The following AUTS2 variants were observed in gnomAD, a reference collection of about 807,000 sequenced individuals.
AUTS2 encodes the protein activator of transcription and developmental regulator AUTS2, also known as autism susceptibility gene 2 protein.
A neutral mutation model predicts 112.4 loss-of-function variants in AUTS2; 17 were observed. That is an observed-to-expected ratio of 0.15 (90% CI 0.10 to 0.23). The LOEUF (loss-of-function observed/expected upper bound fraction) is 0.23. Ranked by LOEUF, AUTS2 falls within the 10% of genes least tolerant of loss-of-function variation. The pLI, the probability that AUTS2 is intolerant of heterozygous loss-of-function variation, is 1.00. For missense variants in AUTS2, 1,510 were observed against 1,701.6 expected, an observed-to-expected ratio of 0.89 and a Z score of 1.98; for synonymous variants, 751 against 702.7, an observed-to-expected ratio of 1.07 and a Z score of -1.09.
intron 1 of AUTS2, among the ~76,000 whole-genome samples, chr7:69,867,613 C>G (rs1793293157): frequency 6.6e-6 from 1 of 152,142 alleles, no homozygotes; most frequent in South Asian, 2.1e-4. Context: ...AAATTCTCTT[C>G]CAATTCTTCC....
At chr7:70,123,553 A>T (rs930549829) in intron 3 of AUTS2, among the ~76,000 whole-genome samples, 6 of 152,110 alleles carry the variant, frequency 3.9e-5, no homozygotes, top group African/African-American at 1.4e-4. Flanking sequence ...CTCTGTGTTC[A>T]TAAGTTCTTA....
chr7:70,731,927 C>G (rs923842477), intron 6 of AUTS2, among the ~76,000 whole-genome samples: 3 of 152,104 alleles, frequency 2.0e-5, no homozygotes, highest in Non-Finnish European at 2.9e-5. Context: ...TAATGTCTTT[C>G]ATAACCACAG....
At chr7:70,387,704 G>A (rs1054117147) in intron 4 of AUTS2, among the ~76,000 whole-genome samples, 2 of 152,134 alleles carry the variant, frequency 1.3e-5, no homozygotes, top group African/African-American at 4.8e-5. Context: ...TTGCCAAGAT[G>A]ACAAGCCATC....
chr7:70,047,262 A>G (rs1251812982), intron 2 of AUTS2, among the ~76,000 whole-genome samples: 1 of 152,122 alleles, frequency 6.6e-6, no homozygotes, highest in Non-Finnish European at 1.5e-5. Context: ...ACCTTCTTTT[A>G]CTTGGCTTTT....
Position 70,124,600 on chromosome 7 carries a change from G to A in AUTS2, c.624+6367G>A, listed in dbSNP as rs111287077. Among the ~76,000 whole-genome samples the A allele has an allele frequency of 1.5e-4, 23 of 151,172 alleles. 1 individual carries two copies. The highest frequency in any genetic ancestry group is 6.6e-4 in the Admixed American group (10 of 15,172). On this transcript the variant is annotated intron_variant, in intron 3 of 18. Coordinates refer to ENST00000342771, the MANE Select transcript of AUTS2 (RefSeq NM_015570.4). ...CTTTTCTGAGATGGTGTCTCGCTCC[G>A]TCACCAGGTTGGAATGCAGTGGCAT...
chr7:70,342,444 G>T (rs1791309479), intron 4 of AUTS2, among the ~76,000 whole-genome samples: 1 of 151,762 alleles, frequency 6.6e-6, no homozygotes, highest in Non-Finnish European at 1.5e-5. Flanking sequence ...AGGCTACAGA[G>T]GGTGACAATA....
intron 1 of AUTS2, among the ~76,000 whole-genome samples, chr7:69,740,969 A>T (rs1037018932): frequency 3.9e-5 from 6 of 152,160 alleles, no homozygotes; most frequent in Middle Eastern, 3.2e-3. Context: ...TTCTAGCAAT[A>T]AAAAAAGTTC....
chr7:70,211,509 TGTG>T (rs1304455016), intron 4 of AUTS2, among the ~76,000 whole-genome samples: 3 of 147,004 alleles, frequency 2.0e-5, no homozygotes, highest in Admixed American at 2.0e-4. Flanking sequence ...ATTAGCCGGA[TGTG>T]GTGGTGGGCG....
chr7:70,698,425 C>A, intron 5 of AUTS2, 144 bp from the exon 6 acceptor site: 1 of 671,346 alleles, frequency 1.5e-6, no homozygotes, highest in African/African-American at 1.8e-5. Context: ...CTAGCACCAC[C>A]TTATGGATGA....
chr7:69,720,467 A>G (rs1449670157), intron 1 of AUTS2, among the ~76,000 whole-genome samples: 2 of 152,194 alleles, frequency 1.3e-5, no homozygotes, highest in Non-Finnish European at 2.9e-5. Flanking sequence ...ATTGGCTCCT[A>G]AATTTAGGAT....
In AUTS2 at chr7:70,594,591, G is replaced by A. The variant is rs544998625; in HGVS notation, c.691-103978G>A. On this transcript the variant is annotated intron_variant, in intron 5 of 18. Transcript: ENST00000342771. ...TCTGTGTATTCAAGGACCAGGGAGA[G>A]GCTTAGCAGCTCTCAGCTCTCCTGG... Among the ~76,000 whole-genome samples the A allele has an allele frequency of 7.2e-5, 11 of 152,308 alleles. No homozygotes were observed. The South Asian group carries it at 2.3e-3, about 32-fold the overall frequency.
At chr7:69,829,583 C>T (rs1791408010) in intron 1 of AUTS2, among the ~76,000 whole-genome samples, 2 of 152,090 alleles carry the variant, frequency 1.3e-5, no homozygotes, top group South Asian at 2.1e-4. Flanking sequence ...AGGGTATGAA[C>T]AGACACTTCT....
chr7:70,645,224 G>T (rs1806088427), intron 5 of AUTS2, among the ~76,000 whole-genome samples: 1 of 15,374 alleles, frequency 6.5e-5, no homozygotes, highest in African/African-American at 2.4e-4. Flanking sequence ...CGCCCCCTCA[G>T]CCCTCCCAAC....
chr7:70,249,073 A>C (rs1813076066), intron 4 of AUTS2, among the ~76,000 whole-genome samples: 1 of 152,194 alleles, frequency 6.6e-6, no homozygotes, highest in African/African-American at 2.4e-5. Flanking sequence ...AATATTGAAG[A>C]TGTCATTCTA....
chr7:70,314,623 C>A (rs1789912923), intron 4 of AUTS2, among the ~76,000 whole-genome samples: 1 of 152,148 alleles, frequency 6.6e-6, no homozygotes, highest in Non-Finnish European at 1.5e-5. Flanking sequence ...CATCTTAAAC[C>A]CTCTAGTCCA....
At chr7:69,670,715 A>T (rs1346439154) in intron 1 of AUTS2, among the ~76,000 whole-genome samples, 1 of 152,048 alleles carries the variant, frequency 6.6e-6, no homozygotes, top group Non-Finnish European at 1.5e-5. Context: ...TATCTCTACA[A>T]AAAGATTAAA....
At chr7:70,163,522 C>G (rs1334015303) in intron 4 of AUTS2, among the ~76,000 whole-genome samples, 1 of 152,134 alleles carries the variant, frequency 6.6e-6, no homozygotes, top group Non-Finnish European at 1.5e-5. Context: ...GGCAAGAAAC[C>G]TGTTTGCCAT....
intron 4 of AUTS2, among the ~76,000 whole-genome samples, chr7:70,226,943 G>A (rs1261282063): frequency 2.6e-5 from 4 of 152,162 alleles, no homozygotes; most frequent in Non-Finnish European, 5.9e-5. Context: ...TTTGAAATGA[G>A]TGGATGCTCT....
At chr7:69,998,950 G>A (rs1219068657) in intron 2 of AUTS2, among the ~76,000 whole-genome samples, 1 of 152,162 alleles carries the variant, frequency 6.6e-6, no homozygotes, top group Non-Finnish European at 1.5e-5. Context: ...AGAAAGCACT[G>A]CCAGTGTCAA....
Sources: allele counts gnomAD v4.1 joint callset (sites outside exome capture counted in the v4.1 genomes callset), GRCh38; gene constraint gnomAD v4.1.1; transcripts MANE v1.5; gene names NCBI Gene and HGNC (gene_info 2026-07-23, HGNC 2026-07-21).